The following EYS variants were observed in gnomAD, a reference collection of about 807,000 sequenced individuals.
EYS encodes EGF-like photoreceptor maintenance factor.
Under a neutral mutation model 282.1 loss-of-function variants are expected in EYS, and 250 were observed. The observed-to-expected ratio is 0.89, with a 90% confidence interval of 0.80 to 0.98. The LOEUF (loss-of-function observed/expected upper bound fraction) is 0.98, where lower values mean the gene tolerates loss of function less well. EYS is among the 50% of genes least tolerant of loss of function. The pLI, the probability that EYS is intolerant of heterozygous loss-of-function variation, is 0.00. For synonymous variants in EYS, 1,355 were observed against 1,282.9 expected, an observed-to-expected ratio of 1.06 and a Z score of -1.20; for missense variants, 4,016 against 3,709.0, an observed-to-expected ratio of 1.08 and a Z score of -2.15.
chr6:64,419,537 T>C (rs896550649), intron 28 of EYS, among the ~76,000 whole-genome samples: 3 of 152,164 alleles, frequency 2.0e-5, no homozygotes, highest in Admixed American at 6.5e-5. Context: ...TATGAGCCTA[T>C]AAAATCAAAA....
At chr6:64,532,396 G>C (rs976933533) in intron 26 of EYS, among the ~76,000 whole-genome samples, 4 of 152,052 alleles carry the variant, frequency 2.6e-5, no homozygotes, top group Non-Finnish European at 5.9e-5. Context: ...TGGCAAACTA[G>C]GAAAATTACA....
chr6:63,838,353 G>T (rs1447239593), intron 36 of EYS, among the ~76,000 whole-genome samples: 1 of 151,942 alleles, frequency 6.6e-6, no homozygotes, highest in African/African-American at 2.4e-5. Flanking sequence ...ATTAGGAGCT[G>T]GATTTTGTTA....
In EYS at chr6:63,888,348, C is replaced by T. The variant is rs185082227; in HGVS notation, c.7056-23990G>A. The stretch of plus-strand genomic sequence containing the variant: ...ACCCCTGTGCCTCCTGAAGGGGAGA[C>T]ACCTCCCAGCAGGGGTTGACACACA... On this transcript the variant is annotated intron_variant, in intron 35 of 42. Transcript: ENST00000503581. Among the ~76,000 whole-genome samples, 839 of 152,344 alleles carry T rather than the reference C, an allele frequency of 5.5e-3. 1 individual carries two copies. The highest frequency in any genetic ancestry group is 8.1e-3 in the Non-Finnish European group (548 of 68,040).
intron 30 of EYS, among the ~76,000 whole-genome samples, chr6:64,240,561 TA>T (rs1419695251): frequency 6.6e-6 from 1 of 152,200 alleles, no homozygotes; most frequent in African/African-American, 2.4e-5. Flanking sequence ...ATTTGTCTGT[TA>T]TTGGTGTATA....
chr6:64,686,186 T>C (rs1770093671), intron 22 of EYS, among the ~76,000 whole-genome samples: 1 of 148,358 alleles, frequency 6.7e-6, no homozygotes, highest in East Asian at 2.0e-4. Flanking sequence ...ATAAGAAAAA[T>C]TTAAAGTTAA....
intron 39 of EYS, among the ~76,000 whole-genome samples, chr6:63,786,539 TG>T (rs1267109550): frequency 1.5e-5 from 2 of 134,550 alleles, no homozygotes; most frequent in African/African-American, 5.7e-5. Flanking sequence ...TGTCAAGGGG[TG>T]GGGGGCAAGG....
intron 31 of EYS, among the ~76,000 whole-genome samples, chr6:64,153,536 T>A (rs923223821): frequency 1.3e-5 from 2 of 152,180 alleles, no homozygotes; most frequent in African/African-American, 4.8e-5. Context: ...ACTAAATAGA[T>A]AATTCATAAA....
chr6:65,083,278 C>T (rs769343917), intron 12 of EYS, among the ~76,000 whole-genome samples: 12 of 152,030 alleles, frequency 7.9e-5, no homozygotes, highest in Non-Finnish European at 1.5e-4. Context: ...TGATTTACTA[C>T]TTCATAAAGG....
intron 12 of EYS, among the ~76,000 whole-genome samples, chr6:65,266,402 C>G (rs774049956): frequency 6.6e-6 from 1 of 151,806 alleles, no homozygotes; most frequent in Non-Finnish European, 1.5e-5. Context: ...ACTCCATATA[C>G]TTTTTTCACC....
intron 12 of EYS, among the ~76,000 whole-genome samples, chr6:65,240,990 T>C (rs555373337): frequency 6.6e-6 from 1 of 152,304 alleles, no homozygotes; most frequent in African/African-American, 2.4e-5. Flanking sequence ...TGACAGTGTT[T>C]TCCTAAAACA....
chr6:65,002,411 T>C (rs1396918669), intron 13 of EYS, among the ~76,000 whole-genome samples: 1 of 147,622 alleles, frequency 6.8e-6, no homozygotes, highest in Non-Finnish European at 1.5e-5. Flanking sequence ...TTTGCTCAGC[T>C]GGCACAATGT....
At chr6:64,871,157 G>T (rs1440444883) in intron 19 of EYS, among the ~76,000 whole-genome samples, 3 of 151,790 alleles carry the variant, frequency 2.0e-5, no homozygotes, top group Admixed American at 2.0e-4. Context: ...CAATTATTGT[G>T]ATTATACAAT....
At chr6:64,292,673 C>T (rs1421157698) in intron 30 of EYS, among the ~76,000 whole-genome samples, 1 of 151,994 alleles carries the variant, frequency 6.6e-6, no homozygotes, top group Non-Finnish European at 1.5e-5. Flanking sequence ...TTTGTGACCC[C>T]TCCCCAACCA....
intron 2 of EYS, among the ~76,000 whole-genome samples, chr6:65,586,256 C>A (rs1765044950): frequency 1.3e-5 from 2 of 152,090 alleles, no homozygotes; most frequent in South Asian, 4.1e-4. Flanking sequence ...TATAGAACAA[C>A]AACAAAGGTA....
intron 12 of EYS, among the ~76,000 whole-genome samples, chr6:65,086,200 C>T (rs1205475313): frequency 6.6e-6 from 1 of 151,902 alleles, no homozygotes; most frequent in Non-Finnish European, 1.5e-5. Flanking sequence ...CCTATAATTC[C>T]ACCTATTTGA....
chr6:64,124,254 A>T (rs886190222), intron 31 of EYS, among the ~76,000 whole-genome samples: 2 of 152,170 alleles, frequency 1.3e-5, no homozygotes, highest in Non-Finnish European at 2.9e-5. Context: ...TACAAGAAAC[A>T]TACTGATAAT....
At chr6:63,925,706 C>T (rs562935912) in intron 35 of EYS, among the ~76,000 whole-genome samples, 4 of 152,254 alleles carry the variant, frequency 2.6e-5, no homozygotes, top group Admixed American at 2.0e-4. Flanking sequence ...TGCAGTGGCA[C>T]GATCTTGGCT....
At chr6:65,255,831 C>T (rs1021008056) in intron 12 of EYS, among the ~76,000 whole-genome samples, 2 of 151,856 alleles carry the variant, frequency 1.3e-5, no homozygotes, top group African/African-American at 4.8e-5. Flanking sequence ...TTGCTTTTAT[C>T]CAAAAGACAG....
At chr6:65,477,614 C>G (rs1330125239) in intron 5 of EYS, among the ~76,000 whole-genome samples, 1 of 152,020 alleles carries the variant, frequency 6.6e-6, no homozygotes, top group Non-Finnish European at 1.5e-5. Flanking sequence ...TTGACGCATT[C>G]AATATTACAA....
Sources: allele counts gnomAD v4.1 joint callset (sites outside exome capture counted in the v4.1 genomes callset), GRCh38; gene constraint gnomAD v4.1.1; transcripts MANE v1.5; gene names NCBI Gene and HGNC (gene_info 2026-07-23, HGNC 2026-07-21).